TNS3: variants seen among roughly 807,000 people sequenced by gnomAD.
TNS3 encodes the protein tensin 3, also known as tensin-3.
A neutral mutation model predicts 140.9 loss-of-function variants in TNS3; 45 were observed. The ratio of observed to expected loss-of-function variants is 0.32; its 90% CI spans 0.25 to 0.41. TNS3 has a LOEUF of 0.41. TNS3 is among the 10% of genes least tolerant of loss of function. The probability of loss-of-function intolerance (pLI) is 1.00; values close to 1 mark genes in which losing one functional copy is unlikely to be tolerated. For missense variants in TNS3, 1,716 were observed against 1,906.7 expected, an observed-to-expected ratio of 0.90 and a Z score of 1.86; for synonymous variants, 815 against 788.4, an observed-to-expected ratio of 1.03 and a Z score of -0.56.
intron 13 of TNS3, among the ~76,000 whole-genome samples, chr7:47,401,960 G>T (rs1793191574): frequency 6.6e-6 from 1 of 152,234 alleles, no homozygotes; most frequent in Non-Finnish European, 1.5e-5. Context: ...ACCAGAGACA[G>T]CCACGTTCCC....
In TNS3 at chr7:47,550,117, TC is replaced by T. The variant is rs534445638; in HGVS notation, c.-264-20971del. ...TCTCAGGGTGGATCGGGCAAGGTCT[TC>T]TGGCCCCAGGCCTCAGGGCCCCACA... On this transcript the variant is annotated intron_variant, in intron 1 of 30. Coordinates refer to ENST00000311160, the MANE Select transcript of TNS3 (RefSeq NM_022748.12). Among the ~76,000 whole-genome samples, 20 of 152,152 alleles carry T rather than the reference TC, an allele frequency of 1.3e-4. No individual in the cohort carries two copies. The South Asian group carries it at 4.0e-3, about 30-fold the overall frequency.
At chr7:47,501,990 A>G (rs1468263676) in intron 3 of TNS3, among the ~76,000 whole-genome samples, 1 of 152,190 alleles carries the variant, frequency 6.6e-6, no homozygotes, top group Non-Finnish European at 1.5e-5. Context: ...CACAAGAGGC[A>G]TAGTAGGTTC....
At chr7:47,439,728 G>C (rs1268001830) in intron 5 of TNS3, 70 bp from the exon 6 acceptor site, 1 of 1,536,036 alleles carries the variant, frequency 6.5e-7, no homozygotes, top group Non-Finnish European at 8.8e-7. Context: ...CTAGGAAAAA[G>C]GTGAAGACGA....
intron 16 of TNS3, among the ~76,000 whole-genome samples, chr7:47,383,808 G>A (rs891478989): frequency 2.0e-5 from 3 of 152,090 alleles, no homozygotes; most frequent in Admixed American, 6.6e-5. Flanking sequence ...GAATGAAACC[G>A]ACACTGTGAT....
At chr7:47,475,010 AAC>A (rs1330885815) in intron 4 of TNS3, among the ~76,000 whole-genome samples, 6 of 151,272 alleles carry the variant, frequency 4.0e-5, no homozygotes, top group Admixed American at 6.6e-5. Flanking sequence ...CCTCACACGC[AAC>A]ACACAACACA....
chr7:47,501,963 G>A (rs541075783), intron 3 of TNS3, among the ~76,000 whole-genome samples: 27 of 152,234 alleles, frequency 1.8e-4, no homozygotes, highest in African/African-American at 4.8e-4. Flanking sequence ...AGAGAAGTTG[G>A]CCCTGGAGCT....
At chr7:47,416,121 A>G (rs367720712) in intron 10 of TNS3, among the ~76,000 whole-genome samples, 74 of 152,334 alleles carry the variant, frequency 4.9e-4, no homozygotes, top group African/African-American at 1.8e-3. Context: ...CTGTGTTTCC[A>G]TATCTGTCTC....
At chr7:47,421,434 A>T (rs1794366036) in intron 10 of TNS3, among the ~76,000 whole-genome samples, 1 of 140,532 alleles carries the variant, frequency 7.1e-6, no homozygotes. Context: ...CATCCAGCTA[A>T]TTTTTTTTTT....
chr7:47,533,452 A>G (rs1799489903), intron 1 of TNS3, among the ~76,000 whole-genome samples: 1 of 150,642 alleles, frequency 6.6e-6, no homozygotes, highest in Non-Finnish European at 1.5e-5. Flanking sequence ...TAAAAGACAA[A>G]GGCTAGAAAA....
rs1345929942 is a variant in TNS3 at position 47,379,197 on chromosome 7, G to C, written c.1025-9576C>G. Among the ~76,000 whole-genome samples the C allele has an allele frequency of 2.6e-5, 4 of 152,272 alleles. No individual in the cohort carries two copies. In the East Asian group the frequency reaches 7.7e-4, roughly 29 times the overall value. On this transcript the variant is annotated intron_variant, in intron 16 of 30. Transcript: ENST00000311160. ...AGGGTACCTGATCCCTGGAGGCCTG[G>C]TAGGGGCTGCAGACACCGAAAGACC...
At chr7:47,519,998 GT>G (rs1029900497) in intron 2 of TNS3, among the ~76,000 whole-genome samples, 1 of 150,846 alleles carries the variant, frequency 6.6e-6, no homozygotes, top group Non-Finnish European at 1.5e-5. Flanking sequence ...AATTTTTTGT[GT>G]TTTTTTTAGT....
chr7:47,419,139 G>A (rs1794238833), intron 10 of TNS3, among the ~76,000 whole-genome samples: 1 of 152,250 alleles, frequency 6.6e-6, no homozygotes, highest in African/African-American at 2.4e-5. Flanking sequence ...GCAAAGATGA[G>A]TCAGTTGCAT....
intron 2 of TNS3, among the ~76,000 whole-genome samples, chr7:47,514,593 T>C (rs1798718856): frequency 6.6e-6 from 1 of 152,130 alleles, no homozygotes; most frequent in South Asian, 2.1e-4. Flanking sequence ...TCTCCTTGCT[T>C]CCTTTCTCAA....
At chr7:47,508,498 T>C (rs1261439563) in intron 2 of TNS3, among the ~76,000 whole-genome samples, 1 of 152,142 alleles carries the variant, frequency 6.6e-6, no homozygotes, top group Non-Finnish European at 1.5e-5. Flanking sequence ...CACAAAGGAC[T>C]GAGATAAGGA....
chr7:47,436,933 A>G (rs1040419890), intron 7 of TNS3, among the ~76,000 whole-genome samples: 1 of 152,200 alleles, frequency 6.6e-6, no homozygotes, highest in Non-Finnish European at 1.5e-5. Context: ...ACACACATGT[A>G]CGCAAAACCA....
At chr7:47,420,430 T>A (rs759300941) in intron 10 of TNS3, among the ~76,000 whole-genome samples, 4 of 152,104 alleles carry the variant, frequency 2.6e-5, no homozygotes, top group Non-Finnish European at 5.9e-5. Context: ...GGCACGTGCA[T>A]TAACAGAAAA....
chr7:47,400,017 A>T (rs1793066464), intron 15 of TNS3, among the ~76,000 whole-genome samples: 1 of 152,186 alleles, frequency 6.6e-6, no homozygotes, highest in Non-Finnish European at 1.5e-5. Flanking sequence ...TGGGCAAATG[A>T]TATGAACAGA....
chr7:47,281,543 C>T (rs971169804), intron 28 of TNS3, among the ~76,000 whole-genome samples: 1 of 152,210 alleles, frequency 6.6e-6, no homozygotes, highest in Non-Finnish European at 1.5e-5. Flanking sequence ...GGTGACCCTG[C>T]AGCCACCTGC....
chr7:47,419,601 C>A (rs1250435299), intron 10 of TNS3, among the ~76,000 whole-genome samples: 1 of 152,190 alleles, frequency 6.6e-6, no homozygotes, highest in East Asian at 1.9e-4. Context: ...AGGATGAAAG[C>A]GGCTTGAATT....
Sources: allele counts gnomAD v4.1 joint callset (sites outside exome capture counted in the v4.1 genomes callset), GRCh38; gene constraint gnomAD v4.1.1; transcripts MANE v1.5; gene names NCBI Gene and HGNC (gene_info 2026-07-23, HGNC 2026-07-21).